FIGN: variants seen among roughly 807,000 people sequenced by gnomAD.
The protein encoded by FIGN is fidgetin, microtubule severing factor.
FIGN carries 11 observed loss-of-function variants against 51.3 expected under a neutral mutation model. That is an observed-to-expected ratio of 0.21 (90% CI 0.13 to 0.35). The LOEUF (loss-of-function observed/expected upper bound fraction) is 0.35. Among genes scored for constraint, FIGN ranks in the 10% least tolerant of loss-of-function variants. The pLI, the probability that FIGN is intolerant of heterozygous loss-of-function variation, is 1.00. For synonymous variants in FIGN, 407 were observed against 363.2 expected (o/e 1.12, Z -1.37); for missense variants, 857 against 943.6 (o/e 0.91, Z 1.20).
At chr2:163,695,643 G>A (rs1368145917) in intron 2 of FIGN, among the ~76,000 whole-genome samples, 1 of 152,178 alleles carries the variant, frequency 6.6e-6, no homozygotes, top group East Asian at 1.9e-4. Flanking sequence ...GGTATGAACT[G>A]TGACCATCCT....
intron 2 of FIGN, among the ~76,000 whole-genome samples, chr2:163,668,790 A>T (rs919244963): frequency 6.6e-6 from 1 of 151,668 alleles, no homozygotes; most frequent in Non-Finnish European, 1.5e-5. Flanking sequence ...AAATACAAAA[A>T]ATTAGCCGGG....
chr2:163,700,151 C>T (rs1165464948), intron 2 of FIGN, among the ~76,000 whole-genome samples: 1 of 152,080 alleles, frequency 6.6e-6, no homozygotes, highest in Non-Finnish European at 1.5e-5. Context: ...AGTTATGCAC[C>T]TAGTAAACTA....
chr2:163,624,708 A>ATATTTTTT (rs564288395), intron 2 of FIGN, among the ~76,000 whole-genome samples: 2 of 145,494 alleles, frequency 1.4e-5, no homozygotes, highest in African/African-American at 5.1e-5. Flanking sequence ...ATATATATAT[A>ATATTTTTT]TTTTTTTTTT....
rs1404440193 is a variant in FIGN at position 163,602,623 on chromosome 2, A to C, written c.*6929T>G. The C allele has an allele frequency of 6.6e-6, 1 of 152,106 alleles. No homozygotes were observed. Among genetic ancestry groups the C allele is most frequent in the African/African-American group, 2.4e-5 (1 of 41,442 alleles). 9.4% of individuals were successfully genotyped at this position (152,106 alleles called of 1,614,324 possible). A position where few individuals can be genotyped will look rare whatever the true frequency, so the allele number is the denominator to read the frequency against. Reference sequence around the variant, plus strand: ...AATCAAACTGCAATTTTTTTAACTCAGAATTTTTTTTTATTTGAGGTATGC... The same window carrying C: ...AATCAAACTGCAATTTTTTTAACTCCGAATTTTTTTTTATTTGAGGTATGC... On this transcript the variant is annotated 3_prime_UTR_variant, in exon 3 of 3. Transcript: ENST00000333129.
At chr2:163,672,758 G>C (rs1400642448) in intron 2 of FIGN, among the ~76,000 whole-genome samples, 1 of 152,174 alleles carries the variant, frequency 6.6e-6, no homozygotes, top group African/African-American at 2.4e-5. Flanking sequence ...GTTGTTCATA[G>C]AGTCATATGT....
At chr2:163,652,929 T>C (rs1683500855) in intron 2 of FIGN, among the ~76,000 whole-genome samples, 2 of 152,166 alleles carry the variant, frequency 1.3e-5, no homozygotes, top group Admixed American at 1.3e-4. Context: ...TGAGGAATAC[T>C]GTTTACTCCC....
chr2:163,719,279 A>G (rs1233856326), intron 2 of FIGN, among the ~76,000 whole-genome samples: 1 of 152,216 alleles, frequency 6.6e-6, no homozygotes, highest in East Asian at 1.9e-4. Context: ...ATTTATTTAC[A>G]TCTACATTAC....
chr2:163,693,381 A>T (rs987982038), intron 2 of FIGN, among the ~76,000 whole-genome samples: 1 of 152,180 alleles, frequency 6.6e-6, no homozygotes, highest in African/African-American at 2.4e-5. Context: ...AAGAAAAAGG[A>T]CAGAGACTGG....
In FIGN at chr2:163,609,119, T is replaced by A. The variant is rs1574221814; in HGVS notation, c.*433A>T. The stretch of plus-strand genomic sequence containing the variant: ...ACTGTTCATCTCTTTAGTCCAATAA[T>A]GTTTGAAGTTAAAGCTCTTTATATT... On this transcript the variant is annotated 3_prime_UTR_variant, in exon 3 of 3. Coordinates refer to ENST00000333129, the MANE Select transcript of FIGN (RefSeq NM_018086.4). 6.1e-6 allele frequency: 1 copy of A among 165,090 alleles called. No homozygotes were observed. Among genetic ancestry groups the A allele is most frequent in the South Asian group, 1.7e-4 (1 of 5,906 alleles). The allele number at this position is 165,090 out of a possible 1,614,324, so 10.2% of individuals were successfully genotyped here.
chr2:163,679,298 C>T (rs1246713878), intron 2 of FIGN, among the ~76,000 whole-genome samples: 2 of 151,982 alleles, frequency 1.3e-5, no homozygotes, highest in Non-Finnish European at 2.9e-5. Flanking sequence ...TCAAGACCAT[C>T]GTGGGTAACA....
At chr2:163,620,053 G>A (rs1682941822) in intron 2 of FIGN, among the ~76,000 whole-genome samples, 1 of 152,124 alleles carries the variant, frequency 6.6e-6, no homozygotes, top group Non-Finnish European at 1.5e-5. Context: ...GCGTGTACAT[G>A]CAATTTAAAA....
At position 163,610,730 on chromosome 2, in the gene FIGN, T is replaced by C. The variant is rs1335225245; in HGVS notation, c.1102A>G (p.Ser368Gly). Residue 368 changes from serine (S) to glycine (G), a missense_variant, in exon 3 of 3, where the codon AGT (serine) becomes GGT (glycine). By Grantham distance (56) the Ser-to-Gly change is moderately conservative. Transcript: ENST00000333129. ...AATGCTAAGGATGATGTTTCAGCAC[T>C]TCTGTCAAAGCCATTCCCCCGATTT... ...NTNRGNGFDR[S>G]AETSSLAFKP... 2.5e-6 allele frequency: 4 copies of C among 1,614,202 alleles called. No individual in the cohort carries two copies. The South Asian group carries it at 4.4e-5, about 18-fold the overall frequency.
intron 2 of FIGN, among the ~76,000 whole-genome samples, chr2:163,724,173 T>G (rs748367463): frequency 7.9e-5 from 12 of 152,168 alleles, no homozygotes; most frequent in Non-Finnish European, 1.8e-4. Context: ...GGTAACAAAA[T>G]GATCTTCGAC....
chr2:163,709,337 ATGGGATCAT>A lies in FIGN; in HGVS notation c.25+25557_25+25565del, dbSNP rs550586324. ...ATCCACTTTACAACTAGCTAATTAC[ATGGGATCAT>A]CTTTCACTTAATTGAAACTACATGC... On this transcript the variant is annotated intron_variant, in intron 2 of 2. Transcript: ENST00000333129. 5.3e-5 allele frequency among the ~76,000 whole-genome samples: 8 copies of A among 152,290 alleles called. No individual in the cohort carries two copies. In the South Asian group the frequency reaches 1.7e-3, roughly 32 times the overall value.
rs114894328 is a variant in FIGN, at chr2:163,708,853, G to A, written c.25+26050C>T. Among the ~76,000 whole-genome samples, 360 of 152,212 alleles carry A rather than the reference G, an allele frequency of 2.4e-3. 2 individuals are homozygous for A. Among genetic ancestry groups the A allele is most frequent in the African/African-American group, 8.3e-3 (345 of 41,536 alleles). On this transcript the variant is annotated intron_variant, in intron 2 of 2. Coordinates refer to ENST00000333129, the MANE Select transcript of FIGN (RefSeq NM_018086.4). ...AAAATACTATACTACCCCAAGTAAGGAAGTTAAAGGAATTCAGAAGTTACA... is the reference window on the plus strand; with the variant it reads ...AAAATACTATACTACCCCAAGTAAGAAAGTTAAAGGAATTCAGAAGTTACA...
rs1236330517 is a variant in FIGN, at chr2:163,603,031, CA to C, written c.*6520del. ...ATGATCAACCATATAATGATCCCATCAAAATAAAAAAAATCTAAGCAGAAAT... is the reference window on the plus strand; with the variant it reads ...ATGATCAACCATATAATGATCCCATCAAATAAAAAAAATCTAAGCAGAAAT... On this transcript the variant is annotated 3_prime_UTR_variant, in exon 3 of 3. Transcript: ENST00000333129. The C allele has an allele frequency of 5.3e-5, 8 of 151,590 alleles. No homozygotes were observed. Among genetic ancestry groups the C allele is most frequent in the Non-Finnish European group, 1.2e-4 (8 of 67,886 alleles). 9.4% of individuals were successfully genotyped at this position (151,590 alleles called of 1,614,324 possible). A position where few individuals can be genotyped will look rare whatever the true frequency, so the allele number is the denominator to read the frequency against.
intron 2 of FIGN, among the ~76,000 whole-genome samples, chr2:163,720,967 G>A (rs1684747114): frequency 6.6e-6 from 1 of 151,502 alleles, no homozygotes; most frequent in South Asian, 2.1e-4. Context: ...ATGCATATAG[G>A]GTCAAAATAA....
At chr2:163,694,482 CAAG>C (rs1291352112) in intron 2 of FIGN, among the ~76,000 whole-genome samples, 1 of 152,082 alleles carries the variant, frequency 6.6e-6, no homozygotes, top group Non-Finnish European at 1.5e-5. Flanking sequence ...ATGGGGCAAG[CAAG>C]AAGGAGGGTG....
At chr2:163,612,664 A>G (rs2105300472) in intron 2 of FIGN, 1 of 959,496 alleles carries the variant, frequency 1.0e-6, no homozygotes, top group Non-Finnish European at 1.2e-6. Flanking sequence ...TCCTCCCCTT[A>G]CAGCCTGCAA....
Sources: gnomAD v4.1 joint callset for allele counts (sites outside exome capture counted in the v4.1 genomes callset) on GRCh38, gnomAD v4.1.1 for gene constraint, MANE v1.5 for transcripts, NCBI Gene and HGNC (gene_info 2026-07-23, HGNC 2026-07-21) for gene names.